The following MMP20 variants were observed in gnomAD, a reference collection of about 807,000 sequenced individuals.
MMP20 encodes the protein matrix metallopeptidase 20.
A neutral mutation model predicts 51.8 loss-of-function variants in MMP20; 50 were observed. That is an observed-to-expected ratio of 0.97 (90% CI 0.77 to 1.22). MMP20 has a LOEUF of 1.22. MMP20 is among the 50% of genes most tolerant of loss of function. The pLI is 0.00. For synonymous variants in MMP20, 244 were observed against 216.2 expected (o/e 1.13, Z -1.13); for missense variants, 663 against 601.4 (o/e 1.10, Z -1.07).
In MMP20 at chr11:102,594,838, A is replaced by G. The variant is rs778318704; in HGVS notation, c.954-81T>C. On this transcript the variant is annotated intron_variant, in intron 6 of 9. Coordinates refer to ENST00000260228, the MANE Select transcript of MMP20 (RefSeq NM_004771.4). Reference sequence around the variant, plus strand: ...CATATAAAATTGCACTTTGACTGAAATGTACTCAGAGGCCACTCACTAAAT... The same window carrying G: ...CATATAAAATTGCACTTTGACTGAAGTGTACTCAGAGGCCACTCACTAAAT... The G allele has an allele frequency of 1.0e-3, 1,600 of 1,540,902 alleles. 1 individual carries two copies. Among genetic ancestry groups the G allele is most frequent in the Non-Finnish European group, 1.3e-3 (1,475 of 1,139,292 alleles).
At chr11:102,608,055 G>A (rs1423932880) in intron 5 of MMP20, 1 of 152,076 alleles carries the variant, frequency 6.6e-6, no homozygotes, top group South Asian at 2.1e-4. Flanking sequence ...CCCATTTCTG[G>A]GCTTCCCACC....
chr11:102,587,507 T>A (rs895455684), intron 8 of MMP20, among the ~76,000 whole-genome samples: 1 of 152,180 alleles, frequency 6.6e-6, no homozygotes, highest in Non-Finnish European at 1.5e-5. Context: ...TCTTTGTTGA[T>A]CTCTCTGGTT....
At chr11:102,599,064 G>A (rs1859416199) in intron 6 of MMP20, among the ~76,000 whole-genome samples, 1 of 148,502 alleles carries the variant, frequency 6.7e-6, no homozygotes, top group Non-Finnish European at 1.5e-5. Flanking sequence ...CTAGGCTGGA[G>A]TGCAGCGGCG....
chr11:102,622,221 C>T (rs1859760071), intron 1 of MMP20, among the ~76,000 whole-genome samples: 1 of 152,132 alleles, frequency 6.6e-6, no homozygotes, highest in Admixed American at 6.6e-5. Flanking sequence ...AACGTGGCCT[C>T]TCTGGTGTTT....
intron 1 of MMP20, among the ~76,000 whole-genome samples, chr11:102,619,837 A>G (rs1035926886): frequency 2.6e-5 from 4 of 152,126 alleles, no homozygotes; most frequent in Non-Finnish European, 5.9e-5. Context: ...TTTCTTTAAA[A>G]TATGCACAAA....
At position 102,611,822 on chromosome 11, in the gene MMP20, G is replaced by T; in HGVS notation, c.456C>A (p.Ala152=). 7 of 1,614,200 alleles carry T rather than the reference G, an allele frequency of 4.3e-6. No individual in the cohort carries two copies. The highest frequency in any genetic ancestry group is 1.3e-5 in the African/African-American group (1 of 75,046). Residue 152 remains alanine (A), a synonymous_variant, in exon 3 of 10, where the codon GCC becomes GCA. Coordinates refer to ENST00000260228, the MANE Select transcript of MMP20 (RefSeq NM_004771.4). ...TTATTCTGACAAAGCTCAGAGGGAC[G>T]GCGCTACTCCAGGCCTGCAAGGCCA... ...VEMALQAWSS[A]VPLSFVRINS...
intron 2 of MMP20, among the ~76,000 whole-genome samples, chr11:102,615,378 C>G (rs903218657): frequency 7.3e-5 from 11 of 151,522 alleles, no homozygotes. Flanking sequence ...TCTTAGCAAC[C>G]AGCTCACAAA....
chr11:102,601,738 C>G (rs1303604205), intron 6 of MMP20, among the ~76,000 whole-genome samples: 1 of 152,148 alleles, frequency 6.6e-6, no homozygotes, highest in Admixed American at 6.5e-5. Flanking sequence ...CCAACAAATC[C>G]TCTGAATTTT....
rs914693990 is a variant in MMP20, at chr11:102,589,678, C to T, written c.1247+3761G>A. Among the ~76,000 whole-genome samples, 7 of 152,092 alleles carry T rather than the reference C, an allele frequency of 4.6e-5. 1 individual carries two copies. The highest frequency in any genetic ancestry group is 3.3e-4 in the Admixed American group (5 of 15,260). On this transcript the variant is annotated intron_variant, in intron 8 of 9. Transcript: ENST00000260228. ...TTAACACTAGGACTTTTTACTTCTG[C>T]CCATTCTTAACCAGCAAACTCTACA...
In MMP20 at chr11:102,610,901, G is replaced by T. The variant is rs143580950; in HGVS notation, c.523+854C>A. ...TCCCTGGTTGGCTTGTGTATTAGGG[G>T]ACAGACTGTAAGCTTGAAAGATCAA... On this transcript the variant is annotated intron_variant, in intron 3 of 9. Coordinates refer to ENST00000260228, the MANE Select transcript of MMP20 (RefSeq NM_004771.4). 6.7e-3 allele frequency among the ~76,000 whole-genome samples: 1,024 copies of T among 152,180 alleles called. 14 individuals carry two copies. Among genetic ancestry groups the T allele is most frequent in the African/African-American group, 0.023 (974 of 41,488 alleles).
chr11:102,591,117 A>C (rs1038387223), intron 8 of MMP20, among the ~76,000 whole-genome samples: 1 of 152,256 alleles, frequency 6.6e-6, no homozygotes, highest in Non-Finnish European at 1.5e-5. Context: ...TGTCACACAT[A>C]TGAGGCCCTG....
At position 102,615,569 on chromosome 11, in the gene MMP20, C is replaced by T. The variant is rs17174339; in HGVS notation, c.374+1243G>A. Among the ~76,000 whole-genome samples the T allele has an allele frequency of 2.1e-3, 325 of 152,246 alleles. 9 individuals are homozygous for T. The highest frequency in any genetic ancestry group is 0.018 in the Admixed American group (281 of 15,298). On this transcript the variant is annotated intron_variant, in intron 2 of 9. Transcript: ENST00000260228. ...CTAAAAGGGAAATCTGATCCTGGTC[C>T]TGGCCTGGCTCTCCACCGCCCTGGG...
At chr11:102,615,266 A>G (rs1859655208) in intron 2 of MMP20, among the ~76,000 whole-genome samples, 1 of 147,736 alleles carries the variant, frequency 6.8e-6, no homozygotes, top group Admixed American at 6.8e-5. Flanking sequence ...GAAATAATAT[A>G]CTTATTTAAT....
chr11:102,601,560 G>A (rs1859446908), intron 6 of MMP20, among the ~76,000 whole-genome samples: 2 of 151,988 alleles, frequency 1.3e-5, no homozygotes, highest in South Asian at 2.1e-4. Flanking sequence ...CTACAGAGCT[G>A]TTTTTCATCT....
chr11:102,586,766 G>A (rs935334305), intron 8 of MMP20, among the ~76,000 whole-genome samples: 3 of 151,844 alleles, frequency 2.0e-5, no homozygotes, highest in African/African-American at 7.3e-5. Context: ...GCAGTGAGCC[G>A]AGATCATGCC....
In MMP20 at chr11:102,609,962, C is replaced by T. The variant is rs1455769305; in HGVS notation, c.592G>A (p.Gly198Ser). ...TLAHAFAPGEGLGGDTHFDNA... is the reference protein window; with the variant it reads ...TLAHAFAPGESLGGDTHFDNA... ...TCGAAATGTGTATCTCCTCCCAGGC[C>T]TTCTCCAGGAGCAAATGCATGGGCT... Residue 198 changes from glycine (G) to serine (S), a missense_variant, in exon 4 of 10, where the codon GGC becomes AGC. By Grantham distance (56) the Gly-to-Ser change is moderately conservative (BLOSUM62 0). Transcript: ENST00000260228. 4 of 1,614,028 alleles carry T rather than the reference C, an allele frequency of 2.5e-6. No homozygotes were observed. In the African/African-American group the frequency reaches 5.3e-5, roughly 22 times the overall value.
At chr11:102,606,421 G>T in intron 6 of MMP20, 114 bp downstream of exon 6, 1 of 1,380,334 alleles carries the variant, frequency 7.2e-7, no homozygotes, top group Non-Finnish European at 1.0e-6. Context: ...TGCTGCATAG[G>T]ACAGCATTTC....
At chr11:102,611,729 T>A (rs1565398435) in intron 3 of MMP20, 26 bp downstream of exon 3, 1 of 1,611,454 alleles carries the variant, frequency 6.2e-7, no homozygotes, top group East Asian at 2.2e-5. Context: ...TTTGAATTAG[T>A]AGATGGAATC....
At chr11:102,592,924 A>G (rs1859334341) in intron 8 of MMP20, among the ~76,000 whole-genome samples, 1 of 152,238 alleles carries the variant, frequency 6.6e-6, no homozygotes, top group Non-Finnish European at 1.5e-5. Context: ...AATTGAAATT[A>G]TATGTTTTCC....
Sources: gnomAD v4.1 joint callset for allele counts (sites outside exome capture counted in the v4.1 genomes callset) on GRCh38, gnomAD v4.1.1 for gene constraint, MANE v1.5 for transcripts, NCBI Gene and HGNC (gene_info 2026-07-23, HGNC 2026-07-21) for gene names.